The following GPSM2 variants were observed in gnomAD, a reference collection of about 807,000 sequenced individuals.
The protein encoded by GPSM2 is G protein-signaling modulator 2.
Under a neutral mutation model 78.4 loss-of-function variants are expected in GPSM2, and 58 were observed. The ratio of observed to expected loss-of-function variants is 0.74; its 90% confidence interval spans 0.60 to 0.92. GPSM2 has a LOEUF of 0.92. Ranked by LOEUF, GPSM2 falls within the 40% of genes least tolerant of loss-of-function variation. The probability of loss-of-function intolerance (pLI) is 0.00; values close to 1 mark genes in which losing one functional copy is unlikely to be tolerated. For synonymous variants in GPSM2, 224 were observed against 280.2 expected, an observed-to-expected ratio of 0.80 and a Z score of 2.00; for missense variants, 700 against 815.5, an observed-to-expected ratio of 0.86 and a Z score of 1.73.
chr1:108,913,090 T>C (rs1649893064), intron 10 of GPSM2, among the ~76,000 whole-genome samples: 1 of 152,210 alleles, frequency 6.6e-6, no homozygotes, highest in East Asian at 1.9e-4. Context: ...TGTGTGGTAT[T>C]GATGGGATAG....
chr1:108,904,284 T>C, intron 10 of GPSM2, 30 bp downstream of exon 10: 2 of 1,371,022 alleles, frequency 1.5e-6, no homozygotes, highest in Non-Finnish European at 2.1e-6. Context: ...AAACCCAATT[T>C]TTTTATCCTC....
intron 14 of GPSM2, among the ~76,000 whole-genome samples, chr1:108,925,011 G>C (rs1651016767): frequency 6.6e-6 from 1 of 152,212 alleles, no homozygotes; most frequent in African/African-American, 2.4e-5. Flanking sequence ...TGGTAACAGT[G>C]AGAAGTAGTT....
At position 108,901,820 on chromosome 1, in the gene GPSM2, A is replaced by C; in HGVS notation, c.828A>C (p.Lys276Asn). ...CACTACTGTTGGCCCGACAGCTTAA[A>C]GACCGAGCTGTAGAAGCACAGTCTT... ...KKTLLLARQL[K>N]DRAVEAQSCY... The change falls in exon 8 of 15, where the codon AAA becomes AAC. Residue 276 changes from lysine to asparagine, a missense_variant. Lys to Asn is a moderately conservative substitution (Grantham distance 94). Coordinates refer to ENST00000264126, the MANE Select transcript of GPSM2 (RefSeq NM_013296.5). The C allele has an allele frequency of 6.2e-7, 1 of 1,612,324 alleles. No homozygotes were observed. Among genetic ancestry groups the C allele is most frequent in the African/African-American group, 1.3e-5 (1 of 74,970 alleles).
chr1:108,901,281 T>C (rs1195052407), intron 7 of GPSM2, among the ~76,000 whole-genome samples: 1 of 152,216 alleles, frequency 6.6e-6, no homozygotes, highest in Non-Finnish European at 1.5e-5. Flanking sequence ...TTGGATGTAG[T>C]ATTCAGTATT....
intron 10 of GPSM2, among the ~76,000 whole-genome samples, chr1:108,908,297 G>A (rs1434096001): frequency 1.3e-5 from 2 of 151,844 alleles, no homozygotes; most frequent in African/African-American, 4.8e-5. Context: ...CGTGAACCTG[G>A]GAGGCGGAGC....
rs1430128208 is a variant in GPSM2, at chr1:108,896,925, T to C, written c.118T>C (p.Cys40Arg). Residue 40 changes from cysteine to arginine, a missense_variant, in exon 3 of 15, where the codon TGC (cysteine) becomes CGC (arginine). By Grantham distance (180) the Cys-to-Arg change is radical. Transcript: ENST00000264126. ...EGERLCKSGD[C>R]RAGVSFFEAA... ...GGAACGTCTATGTAAATCAGGAGAC[T>C]GCCGCGCTGGCGTGTCATTCTTTGA... The C allele has an allele frequency of 1.2e-6, 2 of 1,614,086 alleles. No homozygotes were observed. The highest frequency in any genetic ancestry group is 2.7e-5 in the African/African-American group (2 of 74,944).
At chr1:108,887,785 C>T (rs368821802) in intron 2 of GPSM2, among the ~76,000 whole-genome samples, 2 of 152,304 alleles carry the variant, frequency 1.3e-5, no homozygotes, top group African/African-American at 4.8e-5. Context: ...GTGTGGAGCT[C>T]AGCCTTCATA....
At chr1:108,893,154 T>C (rs913221583) in intron 2 of GPSM2, among the ~76,000 whole-genome samples, 3 of 152,228 alleles carry the variant, frequency 2.0e-5, no homozygotes, top group Non-Finnish European at 4.4e-5. Flanking sequence ...CAGTAAAATG[T>C]TCTGTAAACT....
intron 2 of GPSM2, among the ~76,000 whole-genome samples, chr1:108,893,289 C>T (rs1198240837): frequency 6.6e-6 from 1 of 152,198 alleles, no homozygotes; most frequent in African/African-American, 2.4e-5. Context: ...ACATGAATAG[C>T]CAGTTCTGCC....
At chr1:108,893,462 A>T (rs899022298) in intron 2 of GPSM2, among the ~76,000 whole-genome samples, 1 of 152,138 alleles carries the variant, frequency 6.6e-6, no homozygotes, top group African/African-American at 2.4e-5. Flanking sequence ...ATTGGTGGAC[A>T]TTTAATTCAT....
At chr1:108,879,228 G>A (rs1047929088) in intron 1 of GPSM2, among the ~76,000 whole-genome samples, 1 of 152,062 alleles carries the variant, frequency 6.6e-6, no homozygotes, top group African/African-American at 2.4e-5. Flanking sequence ...CTTTACTGTG[G>A]AGAAGAAATG....
In GPSM2 at chr1:108,924,019, AT is replaced by A. The variant is rs762401214; in HGVS notation, c.1621del (p.Ser541ProfsTer8). On this transcript the variant is annotated frameshift_variant, in exon 14 of 15. Transcript: ENST00000264126. LOFTEE classifies it high-confidence loss of function. Reference sequence around the variant, plus strand: ...TCTTAGCATCATCTGTTCCTGTGGTATCCCCCAACACGGATGAGTTTTTAGA... The same window carrying A: ...TCTTAGCATCATCTGTTCCTGTGGTACCCCCAACACGGATGAGTTTTTAGA... ...MLKTSSVPVV[S>X]PNTDEFLDLL... 18 of 1,608,096 alleles carry A rather than the reference AT, an allele frequency of 1.1e-5. No individual in the cohort carries two copies. The highest frequency in any genetic ancestry group is 1.4e-5 in the Non-Finnish European group (17 of 1,174,774).
chr1:108,894,653 G>A (rs2101382984), intron 2 of GPSM2, among the ~76,000 whole-genome samples: 2 of 152,050 alleles, frequency 1.3e-5, no homozygotes, highest in Middle Eastern at 6.8e-3. Context: ...AGCCAAGATT[G>A]TACTGCTGCA....
Position 108,883,289 on chromosome 1 carries a change from A to T in GPSM2, c.-248-1986A>T, listed in dbSNP as rs542205306. Among the ~76,000 whole-genome samples the T allele has an allele frequency of 5.0e-4, 76 of 152,276 alleles. No individual in the cohort carries two copies. In the South Asian group the frequency reaches 0.013, roughly 26 times the overall value. ...TCCCTATTAACTTCTAGCTGTACTT[A>T]ATTAACAGAGCAGTGAGTATTCATT... is the stretch of plus-strand genomic sequence containing the variant. On this transcript the variant is annotated intron_variant, in intron 1 of 14. Transcript: ENST00000264126.
intron 1 of GPSM2, among the ~76,000 whole-genome samples, chr1:108,880,308 G>T (rs1015318824): frequency 7.2e-5 from 11 of 152,284 alleles, no homozygotes; most frequent in Non-Finnish European, 1.6e-4. Context: ...TTTAAAATGT[G>T]TTTGGGTCAG....
At chr1:108,883,568 AG>A (rs1647275561) in intron 1 of GPSM2, among the ~76,000 whole-genome samples, 1 of 152,244 alleles carries the variant, frequency 6.6e-6, no homozygotes, top group Admixed American at 6.5e-5. Flanking sequence ...CTGAGATTCC[AG>A]GACTTTATGA....
At chr1:108,924,259 A>AATGTTTTCAGTGGTAT in intron 14 of GPSM2, 45 bp downstream of exon 14, 9 of 1,141,518 alleles carry the variant, frequency 7.9e-6, no homozygotes, top group African/African-American at 1.5e-5. Flanking sequence ...CTCAGATACC[A>AATGTTTTCAGTGGTAT]CTGAAAACAT....
rs548120642 is a variant in GPSM2, at chr1:108,931,234, A to AACTC, written c.*1297_*1300dup. ...CATAAACAAACAGAAAACAGATGAA[A>AACTC]ACTCACAAAAATTAAATATGAAAGA... On this transcript the variant is annotated 3_prime_UTR_variant, in exon 15 of 15. Transcript: ENST00000264126. The AACTC allele has an allele frequency of 2.5e-4, 346 of 1,389,112 alleles. 3 individuals carry two copies. The East Asian group carries it at 7.7e-3, about 31-fold the overall frequency. The allele number at this position is 1,389,112 out of a possible 1,614,324, so 86.0% of individuals were successfully genotyped here. A position where few individuals can be genotyped will look rare whatever the true frequency, so the allele number is the denominator to read the frequency against.
intron 14 of GPSM2, among the ~76,000 whole-genome samples, chr1:108,927,518 G>T (rs1241133566): frequency 6.6e-6 from 1 of 152,148 alleles, no homozygotes; most frequent in East Asian, 1.9e-4. Flanking sequence ...TGCAACAGGG[G>T]TGCCAAGACC....
Sources: allele counts gnomAD v4.1 joint callset (sites outside exome capture counted in the v4.1 genomes callset), GRCh38; gene constraint gnomAD v4.1.1; transcripts MANE v1.5; gene names NCBI Gene and HGNC (gene_info 2026-07-23, HGNC 2026-07-21).